CEP83: variants seen among roughly 807,000 people sequenced by gnomAD.
CEP83 encodes the protein centrosomal protein of 83 kDa.
In CEP83, 70 loss-of-function variants were observed where a neutral mutation model predicts 101.9. That is an observed-to-expected ratio of 0.69 (90% CI 0.57 to 0.84). CEP83 has a LOEUF of 0.84. Among genes scored for constraint, CEP83 ranks in the 40% least tolerant of loss-of-function variants. CEP83 has a pLI of 0.00. For missense variants in CEP83, 715 were observed against 787.2 expected (o/e 0.91, Z 1.10); for synonymous variants, 264 against 267.9 (o/e 0.99, Z 0.14).
At chr12:94,408,230 T>A (rs2063666760) in intron 4 of CEP83, 1 of 152,190 alleles carries the variant, frequency 6.6e-6, no homozygotes, top group African/African-American at 2.4e-5. Context: ...TAAAAACAAA[T>A]CTTTAACACT....
At chr12:94,448,157 C>CTAGA (rs1377955764) in intron 1 of CEP83, among the ~76,000 whole-genome samples, 1 of 151,696 alleles carries the variant, frequency 6.6e-6, no homozygotes, top group Non-Finnish European at 1.5e-5. Flanking sequence ...ACAAAAAAAA[C>CTAGA]TAGAGTGGCT....
chr12:94,379,118 T>C (rs1025279910), intron 6 of CEP83, 76 bp from the exon 7 acceptor site: 4 of 1,253,426 alleles, frequency 3.2e-6, no homozygotes, highest in Non-Finnish European at 1.1e-6. Context: ...TACAAGTCAG[T>C]AAAATTAAAA....
chr12:94,302,031 C>T (rs1458980681), downstream of CEP83, among the ~76,000 whole-genome samples: 7 of 152,192 alleles, frequency 4.6e-5, no homozygotes, highest in East Asian at 1.3e-3. Flanking sequence ...GTCCTTGCCC[C>T]TGCTGTCCAC....
chr12:94,287,265 G>T, the CEP83 span, among the ~76,000 whole-genome samples: 1 of 152,120 alleles, frequency 6.6e-6, no homozygotes, highest in East Asian at 1.9e-4. Context: ...AAACCCTCCC[G>T]GTGCGCTTCC....
the CEP83 span, among the ~76,000 whole-genome samples, chr12:94,296,978 C>T: frequency 6.6e-6 from 1 of 152,170 alleles, no homozygotes; most frequent in Non-Finnish European, 1.5e-5. Context: ...AATCTACTTC[C>T]TCCTCCAATC....
At chr12:94,274,115 G>C in the CEP83 span, among the ~76,000 whole-genome samples, 2 of 126,996 alleles carry the variant, frequency 1.6e-5, no homozygotes, top group Non-Finnish European at 3.1e-5. Flanking sequence ...GAGCTCAGGA[G>C]TTCAAGACTA....
chr12:94,265,703 T>TAC, the CEP83 span, among the ~76,000 whole-genome samples: 1 of 152,236 alleles, frequency 6.6e-6, no homozygotes, highest in East Asian at 1.9e-4. Context: ...ATGGATTAGT[T>TAC]ACAAATGTTT....
intron 11 of CEP83, among the ~76,000 whole-genome samples, chr12:94,337,124 C>G (rs1565935267): frequency 6.6e-6 from 1 of 152,098 alleles, no homozygotes; most frequent in Non-Finnish European, 1.5e-5. Context: ...AGAAACATGA[C>G]CCAGTTAAGA....
rs2065003531 is a variant in CEP83 at position 94,424,160 on chromosome 12, G to C, written c.-102+11115C>G. On this transcript the variant is annotated intron_variant, in intron 2 of 16. Transcript: ENST00000397809. ...TGCAGACCGAGCAAGCATCCTGTTG[G>C]GGGTGATGTTATAAGGGGCTGGGTA... The C allele has an allele frequency of 5.0e-6, 8 of 1,603,370 alleles. No individual in the cohort carries two copies. In the South Asian group the frequency reaches 6.6e-5, roughly 13 times the overall value.
the CEP83 span, among the ~76,000 whole-genome samples, chr12:94,291,229 T>C: frequency 6.6e-6 from 1 of 152,252 alleles, no homozygotes; most frequent in Non-Finnish European, 1.5e-5. Context: ...GCAATTCTTA[T>C]CAGTTCTATT....
At chr12:94,327,505 A>G (rs989234388) in intron 14 of CEP83, among the ~76,000 whole-genome samples, 7 of 152,084 alleles carry the variant, frequency 4.6e-5, no homozygotes, top group African/African-American at 1.7e-4. Context: ...ACATTCTATT[A>G]TTTCTAGTTA....
intron 11 of CEP83, among the ~76,000 whole-genome samples, chr12:94,349,726 CTT>C (rs1304753912): frequency 6.6e-6 from 1 of 152,220 alleles, no homozygotes; most frequent in Admixed American, 6.5e-5. Context: ...AGTACTCCCA[CTT>C]TTGCCACTTC....
intron 13 of CEP83, among the ~76,000 whole-genome samples, chr12:94,333,045 CAAA>C (rs34900007): frequency 2.7e-5 from 2 of 73,168 alleles, no homozygotes; most frequent in African/African-American, 6.5e-5. Flanking sequence ...ATTTTAAGAC[CAAA>C]AAAAAAAAAA....
intron 11 of CEP83, among the ~76,000 whole-genome samples, chr12:94,354,366 A>C (rs1240386391): frequency 6.6e-6 from 1 of 151,962 alleles, no homozygotes; most frequent in East Asian, 1.9e-4. Flanking sequence ...CTGTATTTTT[A>C]GTAGGGACAA....
intron 2 of CEP83, among the ~76,000 whole-genome samples, chr12:94,415,882 G>C (rs2137869911): frequency 6.6e-6 from 1 of 152,146 alleles, no homozygotes; most frequent in Non-Finnish European, 1.5e-5. Context: ...ACTATACCCT[G>C]TAACTACAGA....
At chr12:94,411,132 TAA>T (rs922925868) in intron 4 of CEP83, among the ~76,000 whole-genome samples, 1 of 152,198 alleles carries the variant, frequency 6.6e-6, no homozygotes, top group Non-Finnish European at 1.5e-5. Flanking sequence ...GACTGGAGTT[TAA>T]AGTCTGGCTT....
intron 11 of CEP83, among the ~76,000 whole-genome samples, chr12:94,362,343 A>C (rs2060807345): frequency 6.6e-6 from 1 of 152,196 alleles, no homozygotes; most frequent in Non-Finnish European, 1.5e-5. Flanking sequence ...CAACAGGCCA[A>C]GTGCGGTGGC....
intron 11 of CEP83, among the ~76,000 whole-genome samples, chr12:94,344,874 A>G (rs1393121683): frequency 6.6e-6 from 1 of 152,212 alleles, no homozygotes; most frequent in Non-Finnish European, 1.5e-5. Context: ...AAGAATTTAG[A>G]CAAAAAAGAA....
chr12:94,304,615 C>CA (rs1414633516), downstream of CEP83, among the ~76,000 whole-genome samples: 1 of 152,098 alleles, frequency 6.6e-6, no homozygotes, highest in Non-Finnish European at 1.5e-5. Flanking sequence ...CATGCTGGGA[C>CA]AGGCTATCCA....
Sources: allele counts gnomAD v4.1 joint callset (sites outside exome capture counted in the v4.1 genomes callset), GRCh38; gene constraint gnomAD v4.1.1; transcripts MANE v1.5; gene names NCBI Gene and HGNC (gene_info 2026-07-23, HGNC 2026-07-21).